The following TSHZ2 variants were observed in gnomAD, a reference collection of about 807,000 sequenced individuals.
TSHZ2 encodes teashirt homolog 2.
A neutral mutation model predicts 74.4 loss-of-function variants in TSHZ2; 21 were observed. The ratio of observed to expected loss-of-function variants is 0.28; its 90% confidence interval spans 0.20 to 0.41. The LOEUF (loss-of-function observed/expected upper bound fraction) is 0.41, where lower values mean the gene tolerates loss of function less well. TSHZ2 is among the 10% of genes least tolerant of loss of function. The pLI, the probability that TSHZ2 is intolerant of heterozygous loss-of-function variation, is 1.00. For missense variants in TSHZ2, 1,244 were observed against 1,293.5 expected (o/e 0.96, Z 0.59); for synonymous variants, 540 against 515.3 (o/e 1.05, Z -0.65).
chr20:53,118,145 A>T (rs957265925), intron 1 of TSHZ2, among the ~76,000 whole-genome samples: 1 of 152,242 alleles, frequency 6.6e-6, no homozygotes, highest in African/African-American at 2.4e-5. Flanking sequence ...CAGATAAAGG[A>T]GCCAGATGCC....
chr20:53,422,612 T>C (rs189865745), intron 2 of TSHZ2, among the ~76,000 whole-genome samples: 12 of 152,282 alleles, frequency 7.9e-5, no homozygotes, highest in Admixed American at 7.9e-4. Context: ...TTAGATTAAA[T>C]TGACTTCCAG....
At chr20:53,286,098 G>A (rs1991159142) in intron 2 of TSHZ2, among the ~76,000 whole-genome samples, 2 of 152,162 alleles carry the variant, frequency 1.3e-5, no homozygotes, top group African/African-American at 2.4e-5. Context: ...AGTGGAAAAT[G>A]TTTTCTGCCA....
rs117241962 is a variant in TSHZ2 at position 53,243,072 on chromosome 20, G to C, written c.41-10427G>C. On this transcript the variant is annotated intron_variant, in intron 1 of 2. Coordinates refer to ENST00000371497, the MANE Select transcript of TSHZ2 (RefSeq NM_173485.6). ...TGTTGGTAATTTCGGAGGAGTAAGTGGGGGAGGGTACAGTGATCAGAGATG... is the reference window on the plus strand; with the variant it reads ...TGTTGGTAATTTCGGAGGAGTAAGTCGGGGAGGGTACAGTGATCAGAGATG... Among the ~76,000 whole-genome samples, 1,061 of 152,236 alleles carry C rather than the reference G, an allele frequency of 7.0e-3. 7 individuals are homozygous for C. The highest frequency in any genetic ancestry group is 0.048 in the Middle Eastern group (14 of 294).
intron 2 of TSHZ2, among the ~76,000 whole-genome samples, chr20:53,392,552 T>C (rs1369705931): frequency 4.6e-5 from 7 of 152,240 alleles, no homozygotes; most frequent in Non-Finnish European, 1.0e-4. Context: ...GCCAACAGTT[T>C]TGTAGCAATT....
In TSHZ2 at chr20:53,485,128, G is replaced by A. The variant is rs116583517; in HGVS notation, c.*9-2016G>A. Among the ~76,000 whole-genome samples, 1,139 of 152,230 alleles carry A rather than the reference G, an allele frequency of 7.5e-3. 21 individuals are homozygous for A. Among genetic ancestry groups the A allele is most frequent in the Middle Eastern group, 0.024 (7 of 294 alleles). On this transcript the variant is annotated intron_variant, in intron 2 of 2. Coordinates refer to ENST00000371497, the MANE Select transcript of TSHZ2 (RefSeq NM_173485.6). ...TAAGTAGCACTTCTCTACCGAAAAC[G>A]TTCCTATCTTTTGACAGGAATTCCA...
chr20:53,358,427 G>A lies in TSHZ2; in HGVS notation c.*8+101856G>A, dbSNP rs370088014. 4.8e-4 allele frequency among the ~76,000 whole-genome samples: 62 copies of A among 127,966 alleles called. 1 individual carries two copies. The South Asian group carries it at 0.016, about 33-fold the overall frequency. The allele number at this position is 127,966 out of a possible 152,430, so 84.0% of individuals were successfully genotyped here. ...AGGATCTCGACTCACGGCAACTTCC[G>A]CCACTCAGGTTCAAGCAGTTCTCGT... On this transcript the variant is annotated intron_variant, in intron 2 of 2. Transcript: ENST00000371497.
intron 2 of TSHZ2, among the ~76,000 whole-genome samples, chr20:53,350,835 G>A (rs1054319064): frequency 5.3e-5 from 8 of 152,178 alleles, no homozygotes; most frequent in Non-Finnish European, 1.5e-5. Context: ...TGGCTATCTT[G>A]AAACTTCCAG....
intron 1 of TSHZ2, among the ~76,000 whole-genome samples, chr20:53,130,200 G>C (rs1320995376): frequency 6.6e-6 from 1 of 150,692 alleles, no homozygotes; most frequent in Admixed American, 6.7e-5. Context: ...TGTGTGTCTT[G>C]CATGTGAACT....
At chr20:53,027,941 C>T (rs1045556794) in intron 1 of TSHZ2, among the ~76,000 whole-genome samples, 2 of 151,932 alleles carry the variant, frequency 1.3e-5, no homozygotes, top group Non-Finnish European at 2.9e-5. Context: ...TTGATTGCAG[C>T]GACACAGGAC....
At chr20:53,209,529 G>T (rs1989250711) in intron 1 of TSHZ2, among the ~76,000 whole-genome samples, 1 of 152,198 alleles carries the variant, frequency 6.6e-6, no homozygotes, top group South Asian at 2.1e-4. Flanking sequence ...ATCATTAGAG[G>T]TCTAGTTAAA....
chr20:53,068,671 G>A (rs1162387745), intron 1 of TSHZ2, among the ~76,000 whole-genome samples: 2 of 152,098 alleles, frequency 1.3e-5, no homozygotes, highest in Non-Finnish European at 2.9e-5. Context: ...CAGAGTAGGT[G>A]CTTAATAAGT....
intron 1 of TSHZ2, among the ~76,000 whole-genome samples, chr20:53,210,057 G>C (rs1008879463): frequency 1.8e-4 from 28 of 152,250 alleles, no homozygotes; most frequent in African/African-American, 6.3e-4. Flanking sequence ...AATGAAACGG[G>C]AGAGTTCCCA....
chr20:53,349,277 C>T (rs1980553307), intron 2 of TSHZ2, among the ~76,000 whole-genome samples: 1 of 152,224 alleles, frequency 6.6e-6, no homozygotes, highest in Admixed American at 6.5e-5. Context: ...ATAAGCCAAG[C>T]ATTAGAAACA....
intron 1 of TSHZ2, among the ~76,000 whole-genome samples, chr20:53,164,418 C>A (rs1350474043): frequency 3.2e-5 from 4 of 123,754 alleles, no homozygotes; most frequent in African/African-American, 1.2e-4. Context: ...TTCCTGGTCA[C>A]CTTTCTTAAA....
chr20:53,169,031 A>T (rs1988127496), intron 1 of TSHZ2, among the ~76,000 whole-genome samples: 1 of 152,200 alleles, frequency 6.6e-6, no homozygotes, highest in Non-Finnish European at 1.5e-5. Context: ...CAAGCATCAG[A>T]ATTACAGACT....
At chr20:53,100,470 C>A (rs1052014991) in intron 1 of TSHZ2, among the ~76,000 whole-genome samples, 1 of 152,174 alleles carries the variant, frequency 6.6e-6, no homozygotes, top group Admixed American at 6.5e-5. Flanking sequence ...AATGGAGTCA[C>A]TTTAATGTTG....
At chr20:53,484,633 G>A (rs1445305483) in intron 2 of TSHZ2, among the ~76,000 whole-genome samples, 3 of 151,984 alleles carry the variant, frequency 2.0e-5, no homozygotes, top group Non-Finnish European at 2.9e-5. Context: ...TGATCCGCCC[G>A]CCGTTGCCTC....
chr20:53,215,363 C>T (rs1028024329), intron 1 of TSHZ2, among the ~76,000 whole-genome samples: 24 of 152,018 alleles, frequency 1.6e-4, no homozygotes, highest in African/African-American at 5.1e-4. Context: ...TCACCACACC[C>T]TTCCACTGTC....
intron 1 of TSHZ2, among the ~76,000 whole-genome samples, chr20:53,062,204 G>A (rs1984842366): frequency 6.6e-6 from 1 of 152,162 alleles, no homozygotes. Flanking sequence ...CTGTAAAATG[G>A]AAATTAATTG....
Sources: allele counts gnomAD v4.1 joint callset (sites outside exome capture counted in the v4.1 genomes callset), GRCh38; gene constraint gnomAD v4.1.1; transcripts MANE v1.5; gene names NCBI Gene and HGNC (gene_info 2026-07-23, HGNC 2026-07-21).